The following PPP2R1A variants were observed in gnomAD, a reference collection of about 807,000 sequenced individuals.
PPP2R1A encodes serine/threonine-protein phosphatase 2A 65 kDa regulatory subunit A alpha isoform.
In PPP2R1A, 15 loss-of-function variants were observed where a neutral mutation model predicts 67.1. The observed-to-expected ratio is 0.22, with a 90% CI of 0.15 to 0.34. The LOEUF is 0.34. Ranked by LOEUF, PPP2R1A falls within the 10% of genes least tolerant of loss-of-function variation. The probability of loss-of-function intolerance (pLI) is 1.00; values close to 1 mark genes in which losing one functional copy is unlikely to be tolerated. For missense variants in PPP2R1A, 369 were observed against 775.0 expected (o/e 0.48, Z 6.22); for synonymous variants, 337 against 325.0 (o/e 1.04, Z -0.40).
At chr19:52,202,585 T>C (rs527317243) in intron 2 of PPP2R1A, among the ~76,000 whole-genome samples, 21 of 152,316 alleles carry the variant, frequency 1.4e-4, no homozygotes, top group African/African-American at 4.3e-4. Flanking sequence ...CCCCATGTTA[T>C]AGATGAAGAA....
At chr19:52,199,420 C>T (rs1369673596) in intron 1 of PPP2R1A, among the ~76,000 whole-genome samples, 2 of 151,962 alleles carry the variant, frequency 1.3e-5, no homozygotes, top group African/African-American at 2.4e-5. Context: ...CCGCCTGCCT[C>T]GGCCTCCCAA....
At chr19:52,225,664 C>T in intron 13 of PPP2R1A, 53 bp from the exon 14 acceptor site, 3 of 1,550,352 alleles carry the variant, frequency 1.9e-6, no homozygotes, top group Non-Finnish European at 1.8e-6. Flanking sequence ...CCACCTGTTG[C>T]CCCAGTCCAT....
chr19:52,222,777 G>A (rs1269201354), intron 13 of PPP2R1A, among the ~76,000 whole-genome samples: 1 of 152,212 alleles, frequency 6.6e-6, no homozygotes, highest in Non-Finnish European at 1.5e-5. Context: ...TTGGGAGGCT[G>A]AAGGCAAGAG....
In PPP2R1A at chr19:52,212,824, T is replaced by C. The variant is rs778892281; in HGVS notation, c.642T>C (p.Ser214=). ...TCCCCATGTTCTCCAACCTGGCCTC[T>C]GACGAGCAGGTGAGTTTTGCTTCCT... The part of the protein sequence containing the change: ...EIIPMFSNLA[S]DEQDSVRLLA... Residue 214 remains serine (S), a synonymous_variant, in exon 5 of 15, where the codon TCT becomes TCC. Transcript: ENST00000322088. The surrounding 1 kb of genome is among the most constrained non-coding windows in gnomAD (Gnocchi z 4.1). The C allele has an allele frequency of 6.2e-7, 1 of 1,601,774 alleles. No homozygotes were observed. The highest frequency in any genetic ancestry group is 8.5e-7 in the Non-Finnish European group (1 of 1,172,502).
chr19:52,200,646 T>C (rs931302569), intron 1 of PPP2R1A, among the ~76,000 whole-genome samples: 12 of 152,190 alleles, frequency 7.9e-5, no homozygotes, highest in African/African-American at 2.7e-4. Context: ...AAGTCTGAAA[T>C]CAAGGTCTCG....
chr19:52,215,258 G>C (rs939519916), intron 6 of PPP2R1A, among the ~76,000 whole-genome samples: 2 of 151,966 alleles, frequency 1.3e-5, no homozygotes, highest in Non-Finnish European at 2.9e-5. Context: ...GGGTTTCACT[G>C]TGTTGCCCGG....
rs2089687609 is a variant in PPP2R1A at position 52,213,048 on chromosome 19, C to T, written c.745C>T (p.Arg249Cys). ...DLEALVMPTL[R>C]QAAEDKSWRV... ...GGAGGCCCTGGTGATGCCCACTCTGCGCCAGGCCGCTGAAGACAAGTCCTG... is the reference window on the plus strand; with the variant it reads ...GGAGGCCCTGGTGATGCCCACTCTGTGCCAGGCCGCTGAAGACAAGTCCTG... The change falls in exon 6 of 15, where the codon CGC becomes TGC. Residue 249 changes from arginine to cysteine, a missense_variant. Coordinates refer to ENST00000322088, the MANE Select transcript of PPP2R1A (RefSeq NM_014225.6). This position sits in a 1 kb window ranked among gnomAD's most constrained non-coding sequence, Gnocchi z 4.2. The T allele has an allele frequency of 2.5e-6, 4 of 1,610,466 alleles. No homozygotes were observed. Among genetic ancestry groups the T allele is most frequent in the Non-Finnish European group, 2.5e-6 (3 of 1,179,220 alleles).
Position 52,212,526 on chromosome 19 carries a change from A to G in PPP2R1A, c.504-160A>G. ...GCGGACCTGTGGGGTAGGTACTGTTACTATCAGCTCCGTTTCATAGGGCTG... is the reference window on the plus strand; with the variant it reads ...GCGGACCTGTGGGGTAGGTACTGTTGCTATCAGCTCCGTTTCATAGGGCTG... On this transcript the variant is annotated intron_variant, in intron 4 of 14. Coordinates refer to ENST00000322088, the MANE Select transcript of PPP2R1A (RefSeq NM_014225.6). The surrounding 1 kb of genome is among the most constrained non-coding windows in gnomAD (Gnocchi z 4.1). 1.3e-6 allele frequency: 1 copy of G among 795,350 alleles called. No homozygotes were observed. The highest frequency in any genetic ancestry group is 2.7e-5 in the East Asian group (1 of 36,800). 49.3% of individuals were successfully genotyped at this position (795,350 alleles called of 1,614,324 possible). A position where few individuals can be genotyped will look rare whatever the true frequency, so the allele number is the denominator to read the frequency against.
At chr19:52,191,484 T>C (rs1408763026) in intron 1 of PPP2R1A, 2 of 152,182 alleles carry the variant, frequency 1.3e-5, no homozygotes, top group African/African-American at 4.8e-5. Context: ...TCCCTTTAGG[T>C]CTGTTTTCCC....
Position 52,227,699 on chromosome 19 carries a change from G to T in PPP2R1A, c.*1718G>T, listed in dbSNP as rs1319227436. On this transcript the variant is annotated 3_prime_UTR_variant, in exon 15 of 15. Coordinates refer to ENST00000322088, the MANE Select transcript of PPP2R1A (RefSeq NM_014225.6). ...TTGTTAGACTTTATTGTGCCCTAGGGGATGAGGCTGAAGGAGACCAAAAAG... is the reference window on the plus strand; with the variant it reads ...TTGTTAGACTTTATTGTGCCCTAGGTGATGAGGCTGAAGGAGACCAAAAAG... The T allele has an allele frequency of 6.6e-6, 1 of 152,120 alleles. No homozygotes were observed. Among genetic ancestry groups the T allele is most frequent in the Admixed American group, 6.5e-5 (1 of 15,270 alleles). 9.4% of individuals were successfully genotyped at this position (152,120 alleles called of 1,614,324 possible).
At chr19:52,200,945 G>GGACATAACTTTTTGAGGCTGCT (rs1237525236) in intron 1 of PPP2R1A, 14 of 152,144 alleles carry the variant, frequency 9.2e-5, no homozygotes, top group African/African-American at 3.1e-4. Context: ...CACGTCACTG[G>GGACATAACTTTTTGAGGCTGCT]ATTCAAGGCT....
At chr19:52,214,709 G>T (rs967864461) in intron 6 of PPP2R1A, among the ~76,000 whole-genome samples, 2 of 151,722 alleles carry the variant, frequency 1.3e-5, no homozygotes, top group African/African-American at 4.8e-5. Flanking sequence ...CATGAAACAG[G>T]CAGGGCCAAG....
At chr19:52,218,954 G>C (rs887943831) in intron 9 of PPP2R1A, among the ~76,000 whole-genome samples, 1 of 152,324 alleles carries the variant, frequency 6.6e-6, no homozygotes, top group Non-Finnish European at 1.5e-5. Flanking sequence ...ACTTATATTT[G>C]AGATTTCCAT....
chr19:52,221,813 C>T (rs1025368589), intron 12 of PPP2R1A, among the ~76,000 whole-genome samples: 2 of 152,142 alleles, frequency 1.3e-5, no homozygotes, highest in Admixed American at 6.5e-5. Flanking sequence ...ATCATTTCTT[C>T]CCACGCCACT....
intron 13 of PPP2R1A, among the ~76,000 whole-genome samples, chr19:52,222,666 A>G (rs974149225): frequency 6.6e-6 from 1 of 152,232 alleles, no homozygotes; most frequent in Admixed American, 6.5e-5. Context: ...AGTTGAGGTC[A>G]GGAGTTCACG....
chr19:52,194,000 CT>C (rs1458195777), intron 1 of PPP2R1A, among the ~76,000 whole-genome samples: 3 of 146,274 alleles, frequency 2.1e-5, no homozygotes, highest in Non-Finnish European at 4.5e-5. Context: ...TTGGTCCCAG[CT>C]GCTCAGGAGA....
intron 1 of PPP2R1A, 81 bp from the exon 2 acceptor site, chr19:52,201,863 T>G (rs2122300059): frequency 1.5e-6 from 2 of 1,335,480 alleles, no homozygotes; most frequent in East Asian, 2.3e-5. Context: ...TTCCAGGGGC[T>G]GACTGGGTTG....
intron 9 of PPP2R1A, among the ~76,000 whole-genome samples, chr19:52,218,785 C>T (rs143726749): frequency 1.8e-4 from 27 of 152,268 alleles, no homozygotes; most frequent in African/African-American, 6.0e-4. Context: ...CAAGCCCATA[C>T]GTGCTGCAAG....
Position 52,216,220 on chromosome 19 carries a change from G to T in PPP2R1A, c.993+146G>T. On this transcript the variant is annotated intron_variant, in intron 8 of 14. Coordinates refer to ENST00000322088, the MANE Select transcript of PPP2R1A (RefSeq NM_014225.6). The surrounding 1 kb of genome is among the most constrained non-coding windows in gnomAD (Gnocchi z 4.3). ...AGCTCTTGGGTTTCAAGCAGTTAGG[G>T]GTCCTGACTGCAGCTTGAGGCTGAC... 1 of 880,748 alleles carries T rather than the reference G, an allele frequency of 1.1e-6. No individual in the cohort carries two copies. Among genetic ancestry groups the T allele is most frequent in the South Asian group, 1.7e-5 (1 of 60,182 alleles). 54.6% of individuals were successfully genotyped at this position (880,748 alleles called of 1,614,324 possible). A position where few individuals can be genotyped will look rare whatever the true frequency, so the allele number is the denominator to read the frequency against.
Sources: allele counts gnomAD v4.1 joint callset (sites outside exome capture counted in the v4.1 genomes callset), GRCh38; gene constraint gnomAD v4.1.1; non-coding constraint Gnocchi (gnomAD v3.1); transcripts MANE v1.5; gene names NCBI Gene and HGNC (gene_info 2026-07-23, HGNC 2026-07-21).